The following GRIP2 variants were observed in gnomAD, a reference collection of about 807,000 sequenced individuals.
GRIP2 encodes the protein glutamate receptor-interacting protein 2.
In GRIP2, 58 loss-of-function variants were observed where a neutral mutation model predicts 108.3. The observed-to-expected ratio is 0.54, with a 90% CI of 0.43 to 0.67. GRIP2 has a LOEUF of 0.67. Among genes scored for constraint, GRIP2 ranks in the 30% least tolerant of loss-of-function variants. The pLI is 0.00. For synonymous variants in GRIP2, 586 were observed against 598.2 expected, an observed-to-expected ratio of 0.98 and a Z score of 0.30; for missense variants, 1,278 against 1,430.6, an observed-to-expected ratio of 0.89 and a Z score of 1.72.
At chr3:14,572,413 C>A in the GRIP2 span, among the ~76,000 whole-genome samples, 1 of 151,438 alleles carries the variant, frequency 6.6e-6, no homozygotes, top group African/African-American at 2.4e-5. Flanking sequence ...GAGATCGAGA[C>A]CATCCCGGCT....
At chr3:14,585,867 C>G in the GRIP2 span, among the ~76,000 whole-genome samples, 3 of 152,100 alleles carry the variant, frequency 2.0e-5, no homozygotes, top group East Asian at 3.9e-4. Context: ...TCAGAGGGGA[C>G]AGCAGGTGCA....
Position 14,491,882 on chromosome 3 carries a change from T to C in GRIP2, c.*1783A>G, listed in dbSNP as rs1701345242. ...CTTTCACTTGGTGCCCTGTGACAGG[T>C]AGACAGTGCCCTTTCACTCTGGGCT... On this transcript the variant is annotated 3_prime_UTR_variant, in exon 24 of 24. Transcript: ENST00000621039. 6.6e-6 allele frequency: 1 copy of C among 152,136 alleles called. No homozygotes were observed. The highest frequency in any genetic ancestry group is 1.5e-5 in the Non-Finnish European group (1 of 68,016). The allele number at this position is 152,136 out of a possible 1,614,324, so 9.4% of individuals were successfully genotyped here.
chr3:14,574,642 T>A, the GRIP2 span: 4 of 666,506 alleles, frequency 6.0e-6, no homozygotes, highest in African/African-American at 3.5e-5. Context: ...GATGTGTCCA[T>A]CTCATCAGGG....
At chr3:14,569,790 T>G in the GRIP2 span, among the ~76,000 whole-genome samples, 8 of 152,220 alleles carry the variant, frequency 5.3e-5, no homozygotes, top group African/African-American at 1.7e-4. Flanking sequence ...CCTGTGAGGA[T>G]GCATTTTTAA....
upstream of GRIP2, among the ~76,000 whole-genome samples, chr3:14,540,727 A>C (rs553588975): frequency 9.2e-5 from 14 of 152,112 alleles, no homozygotes; most frequent in East Asian, 2.7e-3. The surrounding 1 kb of genome is among the most constrained non-coding windows in gnomAD (Gnocchi z 4.1). Flanking sequence ...GGCAGATTCC[A>C]AGAGAATTTG....
At position 14,520,293 on chromosome 3, in the gene GRIP2, G is replaced by A; in HGVS notation, c.861-14C>T. The A allele has an allele frequency of 6.2e-7, 1 of 1,612,450 alleles. No individual in the cohort carries two copies. Among genetic ancestry groups the A allele is most frequent in the Non-Finnish European group, 8.5e-7 (1 of 1,178,866 alleles). On this transcript the variant is annotated splice_polypyrimidine_tract_variant and intron_variant, in intron 8 of 23. Coordinates refer to ENST00000621039, the MANE Select transcript of GRIP2 (RefSeq NM_001080423.4). ...AGGGCTCCGCTCCTGGCCAGGCAGG[G>A]GAGTGAAGGCGGAGGCTGGTCCAGG...
the GRIP2 span, among the ~76,000 whole-genome samples, chr3:14,561,170 G>A: frequency 6.6e-6 from 1 of 152,240 alleles, no homozygotes; most frequent in Non-Finnish European, 1.5e-5. Flanking sequence ...TCTGCAGACA[G>A]CAGCCCCAGG....
intron 1 of GRIP2, among the ~76,000 whole-genome samples, chr3:14,530,235 T>A (rs967139252): frequency 6.6e-6 from 1 of 152,114 alleles, no homozygotes; most frequent in African/African-American, 2.4e-5. Context: ...TATGCCGGGG[T>A]CTCAGTACCA....
chr3:14,509,057 T>C (rs1694009343), intron 17 of GRIP2, among the ~76,000 whole-genome samples: 1 of 152,112 alleles, frequency 6.6e-6, no homozygotes, highest in Non-Finnish European at 1.5e-5. Flanking sequence ...CACCGACCTC[T>C]GCAGTCTGCC....
chr3:14,573,395 G>GCTTC, the GRIP2 span: 1 of 1,318,246 alleles, frequency 7.6e-7, no homozygotes, highest in Non-Finnish European at 1.1e-6. Flanking sequence ...TCATCTGGAA[G>GCTTC]CAGATGGACA....
chr3:14,560,729 G>C (rs906654433), upstream of GRIP2, among the ~76,000 whole-genome samples: 4 of 152,160 alleles, frequency 2.6e-5, no homozygotes, highest in African/African-American at 4.8e-5. Context: ...CTGAAGTTGG[G>C]TATCCCTTTT....
chr3:14,578,194 G>T, the GRIP2 span, among the ~76,000 whole-genome samples: 274 of 152,292 alleles, frequency 1.8e-3, 1 homozygote, highest in African/African-American at 6.4e-3. Flanking sequence ...GGCCAGGGGA[G>T]CTTGTCTTGT....
the GRIP2 span, among the ~76,000 whole-genome samples, chr3:14,601,440 C>T: frequency 2.2e-4 from 34 of 152,264 alleles, no homozygotes; most frequent in African/African-American, 8.2e-4. Flanking sequence ...TATTGGCAGC[C>T]CTTCTCCCCT....
In GRIP2 at chr3:14,511,205, G is replaced by C. The variant is rs757449743; in HGVS notation, c.1893C>G (p.Asp631Glu). The change falls in exon 16 of 24, where the codon GAC becomes GAG. Residue 631 changes from aspartate to glutamate, a missense_variant. Physicochemically the swap from Asp to Glu is conservative, Grantham distance 45. Coordinates refer to ENST00000621039, the MANE Select transcript of GRIP2 (RefSeq NM_001080423.4). The surrounding 1 kb of genome is among the most constrained non-coding windows in gnomAD (Gnocchi z 4.1). ...DAVQILRQCE[D>E]LVKLKIRKDE... ...CCTTCCGGATCTTCAGCTTCACCAGGTCCTCGCACTGCCGCAGGATTTGCA... is the reference window on the plus strand; with the variant it reads ...CCTTCCGGATCTTCAGCTTCACCAGCTCCTCGCACTGCCGCAGGATTTGCA... 3 of 1,613,964 alleles carry C rather than the reference G, an allele frequency of 1.9e-6. No homozygotes were observed. The highest frequency in any genetic ancestry group is 2.5e-6 in the Non-Finnish European group (3 of 1,179,882).
At chr3:14,532,457 TGG>T (rs751395541) in intron 1 of GRIP2, among the ~76,000 whole-genome samples, 1 of 152,082 alleles carries the variant, frequency 6.6e-6, no homozygotes, top group Non-Finnish European at 1.5e-5. Flanking sequence ...ATTCCTGTGG[TGG>T]GGGCTTCTCT....
chr3:14,535,892 G>A (rs1007896284), intron 1 of GRIP2, among the ~76,000 whole-genome samples: 5 of 152,208 alleles, frequency 3.3e-5, no homozygotes, highest in African/African-American at 7.2e-5. Flanking sequence ...TCCTTTGGGC[G>A]TTCCTCCCTG....
At chr3:14,534,490 G>A (rs573522738) in intron 1 of GRIP2, among the ~76,000 whole-genome samples, 1 of 152,038 alleles carries the variant, frequency 6.6e-6, no homozygotes, top group East Asian at 1.9e-4. Context: ...TTTTCAGCTG[G>A]AAACGTGCAT....
Position 14,496,445 on chromosome 3 carries a change from A to G in GRIP2, c.2795T>C (p.Leu932Ser). 1 of 1,612,752 alleles carries G rather than the reference A, an allele frequency of 6.2e-7. No homozygotes were observed. The highest frequency in any genetic ancestry group is 8.5e-7 in the Non-Finnish European group (1 of 1,179,380). The change falls in exon 22 of 24, where the codon TTG (leucine) becomes TCG (serine). Residue 932 changes from leucine (L) to serine (S), a missense_variant. By Grantham distance (145) the Leu-to-Ser change is moderately radical (BLOSUM62 -2). Transcript: ENST00000621039. ...GTGCATCTCCAAGGGTGTAGGCAGC[A>G]ACAGCTCCTCCATTTCTGCAGGAGA... ...RASPAEMEEL[L>S]LPTPLEMHKV...
rs150946677 is a variant in GRIP2 at position 14,495,036 on chromosome 3, C to T, written c.2824-47G>A. The T allele has an allele frequency of 8.9e-4, 1,419 of 1,602,438 alleles. 14 individuals carry two copies. The African/African-American group carries it at 0.017, about 19-fold the overall frequency. On this transcript the variant is annotated intron_variant, in intron 22 of 23. Transcript: ENST00000621039. ...GGTTCCTGGAACTCTGACCTTTGCCCCCAGCCTCTCACAGTAGCCCAGGTC... is the reference window on the plus strand; with the variant it reads ...GGTTCCTGGAACTCTGACCTTTGCCTCCAGCCTCTCACAGTAGCCCAGGTC...
Sources: gnomAD v4.1 joint callset for allele counts (sites outside exome capture counted in the v4.1 genomes callset) on GRCh38, gnomAD v4.1.1 for gene constraint, Gnocchi (gnomAD v3.1) non-coding constraint, MANE v1.5 for transcripts, NCBI Gene and HGNC (gene_info 2026-07-23, HGNC 2026-07-21) for gene names.